GRM8: variants seen among roughly 807,000 people sequenced by gnomAD.
GRM8 encodes glutamate metabotropic receptor 8, also known as metabotropic glutamate receptor 8.
A neutral mutation model predicts 87.2 loss-of-function variants in GRM8; 47 were observed. The observed-to-expected ratio is 0.54, with a 90% CI of 0.43 to 0.69. GRM8 has a LOEUF of 0.69. Among genes scored for constraint, GRM8 ranks in the 30% least tolerant of loss-of-function variants. The pLI is 0.00. For synonymous variants in GRM8, 396 were observed against 404.5 expected (o/e 0.98, Z 0.25); for missense variants, 1,019 against 1,139.2 (o/e 0.89, Z 1.52).
intron 10 of GRM8, among the ~76,000 whole-genome samples, chr7:126,440,140 G>A (rs1232924761): frequency 6.6e-6 from 1 of 151,814 alleles, no homozygotes; most frequent in Non-Finnish European, 1.5e-5. Context: ...GTGGCTGGGT[G>A]CAGAGACTCA....
chr7:127,174,993 C>G (rs1437408036), intron 2 of GRM8, among the ~76,000 whole-genome samples: 1 of 152,154 alleles, frequency 6.6e-6, no homozygotes, highest in Non-Finnish European at 1.5e-5. Context: ...TCATAAATGA[C>G]AGCTTCTACC....
intron 6 of GRM8, among the ~76,000 whole-genome samples, chr7:126,864,355 CT>C (rs1469527375): frequency 2.0e-5 from 3 of 152,020 alleles, no homozygotes; most frequent in Non-Finnish European, 4.4e-5. Flanking sequence ...GGAATTCCTG[CT>C]TTAGATTTTT....
At chr7:127,003,688 A>G (rs746855978) in intron 3 of GRM8, among the ~76,000 whole-genome samples, 5 of 151,786 alleles carry the variant, frequency 3.3e-5, no homozygotes, top group Non-Finnish European at 5.9e-5. Flanking sequence ...GAACAATGGT[A>G]GACAGACTAA....
intron 3 of GRM8, among the ~76,000 whole-genome samples, chr7:127,086,250 G>A (rs1354156326): frequency 1.3e-5 from 2 of 152,036 alleles, no homozygotes; most frequent in African/African-American, 2.4e-5. Context: ...GCAGGCACAC[G>A]CCACCACACC....
intron 7 of GRM8, among the ~76,000 whole-genome samples, chr7:126,620,329 GAAAC>G (rs1359458568): frequency 6.6e-6 from 1 of 152,160 alleles, no homozygotes; most frequent in Non-Finnish European, 1.5e-5. Flanking sequence ...TGCAGAAATG[GAAAC>G]AAACAACATG....
chr7:126,926,907 G>A (rs138810638), intron 3 of GRM8, among the ~76,000 whole-genome samples: 62 of 152,322 alleles, frequency 4.1e-4, no homozygotes, highest in Non-Finnish European at 7.2e-4. Flanking sequence ...ATTGCACTGT[G>A]TTTGTCTAGT....
At chr7:126,635,913 C>T (rs1376597887) in intron 7 of GRM8, among the ~76,000 whole-genome samples, 2 of 152,084 alleles carry the variant, frequency 1.3e-5, no homozygotes, top group Non-Finnish European at 1.5e-5. Context: ...CAAGCATTTA[C>T]ACATCATAAA....
intron 9 of GRM8, among the ~76,000 whole-genome samples, chr7:126,487,428 C>T (rs1015492): frequency 0.75 from 113,413 of 151,738 alleles, 42,481 homozygotes; most frequent in Middle Eastern, 0.82. Flanking sequence ...CCACACGAGA[C>T]GGAAGTAATA....
At chr7:127,167,763 C>T (rs986751422) in intron 2 of GRM8, among the ~76,000 whole-genome samples, 1 of 152,060 alleles carries the variant, frequency 6.6e-6, no homozygotes, top group African/African-American at 2.4e-5. Context: ...CTTCTCAGAC[C>T]TTTCCTTCCT....
At chr7:127,038,767 T>G (rs182128613) in intron 3 of GRM8, among the ~76,000 whole-genome samples, 2 of 152,160 alleles carry the variant, frequency 1.3e-5, no homozygotes, top group African/African-American at 2.4e-5. Context: ...TAAAATGGAG[T>G]GGTAGGTATT....
chr7:126,990,304 G>C (rs1812525956), intron 3 of GRM8, among the ~76,000 whole-genome samples: 1 of 151,538 alleles, frequency 6.6e-6, no homozygotes, highest in Non-Finnish European at 1.5e-5. Flanking sequence ...CCCACCAGAG[G>C]GTTCCCTGAA....
At chr7:126,948,760 G>A (rs553923423) in intron 3 of GRM8, among the ~76,000 whole-genome samples, 78 of 152,294 alleles carry the variant, frequency 5.1e-4, no homozygotes, top group Non-Finnish European at 9.9e-4. Context: ...AAGCGCTGTA[G>A]ACACTCGGGA....
At chr7:126,470,327 C>T (rs890054308) in intron 9 of GRM8, among the ~76,000 whole-genome samples, 1 of 142,926 alleles carries the variant, frequency 7.0e-6, no homozygotes, top group Non-Finnish European at 1.5e-5. Flanking sequence ...TCTCCCAATG[C>T]TATCCCTCCC....
At chr7:126,716,500 T>C (rs1442138542) in intron 7 of GRM8, among the ~76,000 whole-genome samples, 1 of 152,166 alleles carries the variant, frequency 6.6e-6, no homozygotes, top group Non-Finnish European at 1.5e-5. Flanking sequence ...TCATTCTCCT[T>C]GGGTGCTGAG....
intron 7 of GRM8, among the ~76,000 whole-genome samples, chr7:126,674,274 T>C (rs1198032885): frequency 6.6e-6 from 1 of 152,222 alleles, no homozygotes; most frequent in East Asian, 1.9e-4. Context: ...AAAGGCAGCG[T>C]GTTTTTCCCT....
chr7:126,717,708 T>C (rs1811906705), intron 7 of GRM8, among the ~76,000 whole-genome samples: 1 of 152,126 alleles, frequency 6.6e-6, no homozygotes, highest in African/African-American at 2.4e-5. Flanking sequence ...TGTAAAAACA[T>C]AAAAATTTAG....
At chr7:127,251,528 A>G (rs1197838106) in intron 1 of GRM8, among the ~76,000 whole-genome samples, 1 of 152,060 alleles carries the variant, frequency 6.6e-6, no homozygotes, top group Non-Finnish European at 1.5e-5. Context: ...TTCCCAGCGC[A>G]GGTTCCTTTT....
chr7:126,890,486 A>G (rs1440438005), intron 6 of GRM8, among the ~76,000 whole-genome samples: 1 of 152,074 alleles, frequency 6.6e-6, no homozygotes, highest in Non-Finnish European at 1.5e-5. Context: ...AACTCTTTCC[A>G]TCTGTCACCT....
At chr7:126,759,755 CTAAA>C (rs2151570610) in intron 7 of GRM8, among the ~76,000 whole-genome samples, 1 of 152,246 alleles carries the variant, frequency 6.6e-6, no homozygotes, top group African/African-American at 2.4e-5. Context: ...CCCAAGCAGT[CTAAA>C]TATTCTCCAT....
Sources: allele counts gnomAD v4.1 joint callset (sites outside exome capture counted in the v4.1 genomes callset), GRCh38; gene constraint gnomAD v4.1.1; transcripts MANE v1.5; gene names NCBI Gene and HGNC (gene_info 2026-07-23, HGNC 2026-07-21).